The following EPHA4 variants were observed in gnomAD, a reference collection of about 807,000 sequenced individuals.
EPHA4 encodes EPH receptor A4.
EPHA4 carries 19 observed loss-of-function variants against 108.3 expected under a neutral mutation model. That is an observed-to-expected ratio of 0.18 (90% CI 0.12 to 0.26). The LOEUF (loss-of-function observed/expected upper bound fraction) is 0.26, where lower values mean the gene tolerates loss of function less well. Ranked by LOEUF, EPHA4 falls within the 10% of genes least tolerant of loss-of-function variation. The pLI is 1.00. For synonymous variants in EPHA4, 449 were observed against 455.5 expected (o/e 0.99, Z 0.18); for missense variants, 917 against 1,254.0 (o/e 0.73, Z 4.06).
Position 221,501,130 on chromosome 2 carries a change from G to A in EPHA4, c.866C>T (p.Thr289Ile), listed in dbSNP as rs1692476783. 1.9e-6 allele frequency: 3 copies of A among 1,612,926 alleles called. No individual in the cohort carries two copies. Among genetic ancestry groups the A allele is most frequent in the East Asian group, 4.5e-5 (2 of 44,782 alleles). Reference sequence around the variant, plus strand: ...GCTGTGGGGTGGGCACTTGGCACAGGTGGCATCCGTGGAGAGAGCCTTGTA... The same window carrying A: ...GCTGTGGGGTGGGCACTTGGCACAGATGGCATCCGTGGAGAGAGCCTTGTA... ...GYYKALSTDA[T>I]CAKCPPHSYS... The change falls in exon 4 of 18, where the codon ACC becomes ATC. Residue 289 changes from threonine to isoleucine, a missense_variant. By Grantham distance (89) the Thr-to-Ile change is moderately conservative (BLOSUM62 -1). Around this residue, in one of 3 missense-constraint regions of EPHA4, gnomAD observed 758 missense variants for 1,076.7 expected, o/e 0.70. Transcript: ENST00000281821.
At chr2:221,504,049 T>C (rs1350815741) in intron 3 of EPHA4, among the ~76,000 whole-genome samples, 2 of 152,232 alleles carry the variant, frequency 1.3e-5, no homozygotes, top group African/African-American at 4.8e-5. Context: ...CTGTGAAAGA[T>C]GTACTTGGCA....
intron 4 of EPHA4, among the ~76,000 whole-genome samples, chr2:221,483,649 G>A (rs952221633): frequency 3.3e-5 from 5 of 151,982 alleles, no homozygotes; most frequent in African/African-American, 1.2e-4. Context: ...CCAAGTAGCT[G>A]AAAATACAGG....
In EPHA4 at chr2:221,539,036, C is replaced by T. The variant is rs551897737; in HGVS notation, c.823+24695G>A. On this transcript the variant is annotated intron_variant, in intron 3 of 17. Coordinates refer to ENST00000281821, the MANE Select transcript of EPHA4 (RefSeq NM_004438.5). ...CAGGTTGTTCACTGAAAAAGAGTATCCAACTGAAGGGGAAAGTGGGGTCTA... is the reference window on the plus strand; with the variant it reads ...CAGGTTGTTCACTGAAAAAGAGTATTCAACTGAAGGGGAAAGTGGGGTCTA... Among the ~76,000 whole-genome samples, 18 of 152,152 alleles carry T rather than the reference C, an allele frequency of 1.2e-4. No individual in the cohort carries two copies. In the South Asian group the frequency reaches 3.7e-3, roughly 32 times the overall value.
chr2:221,439,543 A>G (rs1690351576), intron 11 of EPHA4, among the ~76,000 whole-genome samples: 2 of 151,316 alleles, frequency 1.3e-5, no homozygotes, highest in African/African-American at 4.9e-5. Context: ...GCTAGAGTAC[A>G]GTGACATGAT....
rs1689638721 is a variant in EPHA4, at chr2:221,418,296, A to G, written c.*3076T>C. 1 of 152,674 alleles carries G rather than the reference A, an allele frequency of 6.5e-6. No homozygotes were observed. The highest frequency in any genetic ancestry group is 2.4e-5 in the African/African-American group (1 of 41,472). 9.5% of individuals were successfully genotyped at this position (152,674 alleles called of 1,614,324 possible). A position where few individuals can be genotyped will look rare whatever the true frequency, so the allele number is the denominator to read the frequency against. On this transcript the variant is annotated 3_prime_UTR_variant, in exon 18 of 18. Transcript: ENST00000281821. Reference sequence around the variant, plus strand: ...TAATTTCTTATTCAGTATGAACTAAATTATAATATGCCTTATACATTCTAA... The same window carrying G: ...TAATTTCTTATTCAGTATGAACTAAGTTATAATATGCCTTATACATTCTAA...
chr2:221,453,931 C>CT (rs1441448708), intron 8 of EPHA4, among the ~76,000 whole-genome samples: 4 of 152,032 alleles, frequency 2.6e-5, no homozygotes, highest in African/African-American at 9.7e-5. Flanking sequence ...AATCCCAGCA[C>CT]TTTGGGAGGC....
chr2:221,555,959 C>G (rs992912699), intron 3 of EPHA4, among the ~76,000 whole-genome samples: 1 of 152,146 alleles, frequency 6.6e-6, no homozygotes, highest in Non-Finnish European at 1.5e-5. Context: ...ATTTTTAAAG[C>G]CTCTCCATGA....
At chr2:221,466,912 T>G (rs1238337394) in intron 5 of EPHA4, among the ~76,000 whole-genome samples, 1 of 152,100 alleles carries the variant, frequency 6.6e-6, no homozygotes, top group Non-Finnish European at 1.5e-5. Flanking sequence ...ATAGGAGACT[T>G]GAAGGTTTAA....
Position 221,571,352 on chromosome 2 carries a change from A to G in EPHA4, c.91+806T>C, listed in dbSNP as rs1694831731. On this transcript the variant is annotated intron_variant, in intron 1 of 17. Transcript: ENST00000281821. This position sits in a 1 kb window ranked among gnomAD's most constrained non-coding sequence, Gnocchi z 6.3. ...CCGCCCCACCTCCCGACACAGACAC[A>G]CAGGCACATACAATCCTCCCAGCAC... Among the ~76,000 whole-genome samples the G allele has an allele frequency of 7.3e-6, 1 of 136,808 alleles. No individual in the cohort carries two copies. Among genetic ancestry groups the G allele is most frequent in the Non-Finnish European group, 1.5e-5 (1 of 64,522 alleles). 89.8% of individuals were successfully genotyped at this position (136,808 alleles called of 152,430 possible). A position where few individuals can be genotyped will look rare whatever the true frequency, so the allele number is the denominator to read the frequency against.
rs1427317782 is a variant in EPHA4, at chr2:221,498,263, C to T, written c.979+2754G>A. Among the ~76,000 whole-genome samples, 6 of 152,180 alleles carry T rather than the reference C, an allele frequency of 3.9e-5. No individual in the cohort carries two copies. In the East Asian group the frequency reaches 9.6e-4, roughly 24 times the overall value. On this transcript the variant is annotated intron_variant, in intron 4 of 17. Transcript: ENST00000281821. ...CATGACACTCATAATACAATCAAAT[C>T]TCAACCTAGAGAAGGCTTTATCTGC...
chr2:221,525,390 A>G (rs1414813238), intron 3 of EPHA4, among the ~76,000 whole-genome samples: 1 of 152,208 alleles, frequency 6.6e-6, no homozygotes, highest in African/African-American at 2.4e-5. Flanking sequence ...TATGCTCCGT[A>G]AATTTCCTTT....
rs755599679 is a variant in EPHA4, at chr2:221,457,838, A to G, written c.1443+28T>C. 34 of 1,606,754 alleles carry G rather than the reference A, an allele frequency of 2.1e-5. 2 individuals are homozygous for G. The South Asian group carries it at 3.8e-4, about 18-fold the overall frequency. On this transcript the variant is annotated intron_variant, in intron 6 of 17. Coordinates refer to ENST00000281821, the MANE Select transcript of EPHA4 (RefSeq NM_004438.5). ...GAAGGAAGGAAGGAAGGAAGAAAGG[A>G]AAGGAGTGTTGTTCACTCAAGTAAT...
Position 221,436,980 on chromosome 2 carries a change from C to T in EPHA4, c.2136+81G>A, listed in dbSNP as rs987259549. On this transcript the variant is annotated intron_variant, in intron 12 of 17. Transcript: ENST00000281821. ...ATTAAAAGAAATCCACGAATACCAC[C>T]GAACACAACAAACACAAGGACTCTG... The T allele has an allele frequency of 6.8e-5, 71 of 1,044,988 alleles. 1 individual carries two copies. Among genetic ancestry groups the T allele is most frequent in the South Asian group, 5.3e-4 (40 of 75,106 alleles). 64.7% of individuals were successfully genotyped at this position (1,044,988 alleles called of 1,614,324 possible). A position where few individuals can be genotyped will look rare whatever the true frequency, so the allele number is the denominator to read the frequency against.
chr2:221,558,079 A>G (rs1214023473), intron 3 of EPHA4, among the ~76,000 whole-genome samples: 3 of 152,260 alleles, frequency 2.0e-5, no homozygotes, highest in Non-Finnish European at 4.4e-5. Flanking sequence ...TTCATCTTCA[A>G]TGAAGGAGAA....
At chr2:221,506,113 C>T (rs1196355144) in intron 3 of EPHA4, among the ~76,000 whole-genome samples, 1 of 152,064 alleles carries the variant, frequency 6.6e-6, no homozygotes, top group African/African-American at 2.4e-5. Context: ...TCTCTCCAAC[C>T]CTATCTTGTG....
chr2:221,498,094 A>C (rs1031991002), intron 4 of EPHA4, among the ~76,000 whole-genome samples: 33 of 152,178 alleles, frequency 2.2e-4, no homozygotes, highest in African/African-American at 7.7e-4. Context: ...CCATCTTTGG[A>C]GGTTTCCTAA....
intron 3 of EPHA4, among the ~76,000 whole-genome samples, chr2:221,505,284 T>C (rs1692595280): frequency 1.3e-5 from 2 of 152,204 alleles, no homozygotes; most frequent in Non-Finnish European, 2.9e-5. Context: ...TTTGAATGTA[T>C]ACTTAAATTA....
chr2:221,442,588 C>T (rs1472388555), intron 11 of EPHA4, among the ~76,000 whole-genome samples: 2 of 152,082 alleles, frequency 1.3e-5, no homozygotes, highest in African/African-American at 2.4e-5. Flanking sequence ...CATGGCATAC[C>T]ACAAATCTGC....
chr2:221,496,301 A>G (rs1202410617), intron 4 of EPHA4, among the ~76,000 whole-genome samples: 1 of 152,192 alleles, frequency 6.6e-6, no homozygotes, highest in African/African-American at 2.4e-5. Flanking sequence ...CACTAGCCAT[A>G]TATGGCTATT....
Sources: allele counts gnomAD v4.1 joint callset (sites outside exome capture counted in the v4.1 genomes callset), GRCh38; gene constraint gnomAD v4.1.1; regional missense constraint gnomAD v4.1.1; non-coding constraint Gnocchi (gnomAD v3.1); transcripts MANE v1.5; gene names NCBI Gene and HGNC (gene_info 2026-07-23, HGNC 2026-07-21).